CACNA1A: variants seen among roughly 807,000 people sequenced by gnomAD.
CACNA1A encodes voltage-dependent P/Q-type calcium channel subunit alpha-1A.
Under a neutral mutation model 262.4 loss-of-function variants are expected in CACNA1A, and 57 were observed. The ratio of observed to expected loss-of-function variants is 0.22; its 90% CI spans 0.18 to 0.27. The LOEUF (loss-of-function observed/expected upper bound fraction) is 0.27. Among genes scored for constraint, CACNA1A ranks in the 10% least tolerant of loss-of-function variants. The pLI is 1.00. For synonymous variants in CACNA1A, 1,431 were observed against 1,419.3 expected, an observed-to-expected ratio of 1.01 and a Z score of -0.18; for missense variants, 2,526 against 3,562.8, an observed-to-expected ratio of 0.71 and a Z score of 7.41.
intron 20 of CACNA1A, 62 bp from the exon 21 acceptor site, chr19:13,285,268 C>T: frequency 1.3e-6 from 2 of 1,588,602 alleles, no homozygotes; most frequent in Non-Finnish European, 1.7e-6. Flanking sequence ...TCTGGGAACT[C>T]CTGTGTACTC....
rs866129660 is a variant in CACNA1A at position 13,450,162 on chromosome 19, A to T, written c.539+2714T>A. On this transcript the variant is annotated intron_variant, in intron 3 of 46. Coordinates refer to ENST00000360228, the MANE Select transcript of CACNA1A (RefSeq NM_001127222.2). ...GTCAAAAAAAAAAAAAAAAAAAAAA[A>T]GAGAAAGGTTGTGTTTTGATAGCAG... Among the ~76,000 whole-genome samples the T allele has an allele frequency of 4.9e-4, 74 of 150,908 alleles. No individual in the cohort carries two copies. The Middle Eastern group carries it at 0.01, about 21-fold the overall frequency.
At chr19:13,285,809 T>C (rs1012110529) in intron 20 of CACNA1A, among the ~76,000 whole-genome samples, 1 of 151,934 alleles carries the variant, frequency 6.6e-6, no homozygotes, top group African/African-American at 2.4e-5. Context: ...AGTCCCTACA[T>C]CTATAAAATG....
chr19:13,344,547 G>A (rs770314788), intron 6 of CACNA1A, among the ~76,000 whole-genome samples: 5 of 152,066 alleles, frequency 3.3e-5, no homozygotes, highest in Non-Finnish European at 7.4e-5. Context: ...ACGTTCCACT[G>A]TCTGAATCAT....
At chr19:13,480,930 T>A (rs1360052963) in intron 1 of CACNA1A, among the ~76,000 whole-genome samples, 1 of 152,152 alleles carries the variant, frequency 6.6e-6, no homozygotes, top group East Asian at 1.9e-4. Flanking sequence ...AATATTATTA[T>A]TGTTGTTATT....
chr19:13,317,081 G>C, intron 11 of CACNA1A, 31 bp downstream of exon 11: 1 of 1,464,490 alleles, frequency 6.8e-7, no homozygotes, highest in South Asian at 1.2e-5. Context: ...GGATCAGGGA[G>C]TTGGCAGGGG....
At chr19:13,387,504 A>G (rs746260118) in intron 3 of CACNA1A, among the ~76,000 whole-genome samples, 1 of 152,126 alleles carries the variant, frequency 6.6e-6, no homozygotes, top group Non-Finnish European at 1.5e-5. Flanking sequence ...GGTTTTACCC[A>G]TTCTACCATG....
chr19:13,492,219 C>T (rs1011969531), intron 1 of CACNA1A, among the ~76,000 whole-genome samples: 1 of 152,154 alleles, frequency 6.6e-6, no homozygotes, highest in African/African-American at 2.4e-5. Flanking sequence ...TCAACAGAAA[C>T]TTGCTCAATC....
chr19:13,446,660 T>C (rs1261336416), intron 3 of CACNA1A, among the ~76,000 whole-genome samples: 1 of 149,796 alleles, frequency 6.7e-6, no homozygotes, highest in Non-Finnish European at 1.5e-5. Context: ...TTTCACCACG[T>C]TGGCCAGGCT....
Position 13,365,480 on chromosome 19 carries a change from A to G in CACNA1A, c.632-11T>C. On this transcript the variant is annotated splice_polypyrimidine_tract_variant and intron_variant, in intron 4 of 46. Coordinates refer to ENST00000360228, the MANE Select transcript of CACNA1A (RefSeq NM_001127222.2). The stretch of plus-strand genomic sequence containing the variant: ...GGACGACTTGTAAACCTGGGGGGAC[A>G]CAGAGAGAGGCCCCATAAGCCCATG... 2 of 1,612,744 alleles carry G rather than the reference A, an allele frequency of 1.2e-6. No homozygotes were observed. Among genetic ancestry groups the G allele is most frequent in the Non-Finnish European group, 1.7e-6 (2 of 1,179,106 alleles).
chr19:13,501,021 T>C (rs1982314243), intron 1 of CACNA1A, among the ~76,000 whole-genome samples: 1 of 151,958 alleles, frequency 6.6e-6, no homozygotes, highest in African/African-American at 2.4e-5. Flanking sequence ...TTGAAGGGGC[T>C]GGAGAAGTGG....
intron 1 of CACNA1A, among the ~76,000 whole-genome samples, chr19:13,469,556 C>G (rs1001564681): frequency 7.0e-6 from 1 of 143,712 alleles, no homozygotes; most frequent in African/African-American, 2.5e-5. Flanking sequence ...TCACGCCATT[C>G]TCCTGCCTCA....
At chr19:13,223,262 C>CGGCT (rs2055304122) in intron 38 of CACNA1A, among the ~76,000 whole-genome samples, 1 of 151,618 alleles carries the variant, frequency 6.6e-6, no homozygotes, top group Admixed American at 6.6e-5. Context: ...GGCGTGATCT[C>CGGCT]GGCTCACTGC....
chr19:13,234,003 T>C (rs2055765551), intron 34 of CACNA1A, among the ~76,000 whole-genome samples: 4 of 140,658 alleles, frequency 2.8e-5, no homozygotes, highest in Admixed American at 1.6e-4. Context: ...TGAGCCGAGA[T>C]GGCGCCACTG....
chr19:13,245,076 A>G, intron 31 of CACNA1A, 106 bp downstream of exon 31: 1 of 927,918 alleles, frequency 1.1e-6, no homozygotes, highest in Non-Finnish European at 1.7e-6. Context: ...TGGCTCAAGC[A>G]GCTATGGCTT....
At chr19:13,337,484 C>T (rs1351063938) in intron 6 of CACNA1A, among the ~76,000 whole-genome samples, 2 of 152,102 alleles carry the variant, frequency 1.3e-5, no homozygotes, top group Non-Finnish European at 2.9e-5. Flanking sequence ...TAGGACCCAC[C>T]CTAATGATCT....
intron 22 of CACNA1A, among the ~76,000 whole-genome samples, chr19:13,280,940 C>CAAAAAA (rs59445149): frequency 2.4e-5 from 2 of 82,362 alleles, no homozygotes; most frequent in Admixed American, 1.4e-4. Flanking sequence ...GACTCCATCT[C>CAAAAAA]AAAAAAAAAA....
intron 6 of CACNA1A, among the ~76,000 whole-genome samples, chr19:13,350,963 C>T (rs141914103): frequency 2.6e-5 from 4 of 152,258 alleles, no homozygotes; most frequent in South Asian, 4.1e-4. Flanking sequence ...ATTGCATCAT[C>T]GCACTCCAGC....
rs371687615 is a variant in CACNA1A, at chr19:13,396,746, C to T, written c.540-24967G>A. Reference sequence around the variant, plus strand: ...GCAAACTAGTCATTCCCTGTGTGCCCTCTAGGTCAATGCTCCAGCGGGCTC... The same window carrying T: ...GCAAACTAGTCATTCCCTGTGTGCCTTCTAGGTCAATGCTCCAGCGGGCTC... On this transcript the variant is annotated intron_variant, in intron 3 of 46. Coordinates refer to ENST00000360228, the MANE Select transcript of CACNA1A (RefSeq NM_001127222.2). 4.6e-5 allele frequency among the ~76,000 whole-genome samples: 7 copies of T among 152,330 alleles called. No homozygotes were observed. In the East Asian group the frequency reaches 1.2e-3, roughly 25 times the overall value.
At chr19:13,320,237 CGAGAGAGAGAGAGAGAGAGA>C (rs146095824) in intron 10 of CACNA1A, among the ~76,000 whole-genome samples, 3 of 127,150 alleles carry the variant, frequency 2.4e-5, no homozygotes, top group Non-Finnish European at 1.7e-5. Context: ...TTCCACAGAT[CGAGAGAGAGAGAGAGAGAGA>C]GAGAGAGAGA....
Sources: allele counts gnomAD v4.1 joint callset (sites outside exome capture counted in the v4.1 genomes callset), GRCh38; gene constraint gnomAD v4.1.1; transcripts MANE v1.5; gene names NCBI Gene and HGNC (gene_info 2026-07-23, HGNC 2026-07-21).